Variants in PAX5 observed in about 807,000 individuals in gnomAD.
The protein encoded by PAX5 is paired box protein Pax-5.
A neutral mutation model predicts 43.7 loss-of-function variants in PAX5; 9 were observed. The observed-to-expected ratio is 0.21, with a 90% CI of 0.12 to 0.36. The LOEUF is 0.36. Among genes scored for constraint, PAX5 ranks in the 10% least tolerant of loss-of-function variants. The pLI, the probability that PAX5 is intolerant of heterozygous loss-of-function variation, is 1.00. For missense variants in PAX5, 383 were observed against 532.7 expected (o/e 0.72, Z 2.77); for synonymous variants, 228 against 214.3 (o/e 1.06, Z -0.56).
intron 8 of PAX5, among the ~76,000 whole-genome samples, chr9:36,866,795 A>G (rs1824930532): frequency 6.6e-6 from 1 of 152,010 alleles, no homozygotes; most frequent in Non-Finnish European, 1.5e-5. Flanking sequence ...TTGATTTCTA[A>G]GGTTGAGTCC....
chr9:36,900,308 G>T (rs574960939), intron 7 of PAX5, among the ~76,000 whole-genome samples: 1 of 152,154 alleles, frequency 6.6e-6, no homozygotes, highest in Non-Finnish European at 1.5e-5. Flanking sequence ...CTGCTGAGGC[G>T]GAGGTCCTAG....
Position 36,882,210 on chromosome 9 carries a change from G to C in PAX5, c.911-105C>G. ...TGCACATTTGTCACGTTTGGACGCT[G>C]AACGGCAATGTGCCCCCAGCTCCCC... is the stretch of plus-strand genomic sequence containing the variant. On this transcript the variant is annotated intron_variant, in intron 7 of 9. Coordinates refer to ENST00000358127, the MANE Select transcript of PAX5 (RefSeq NM_016734.3). This position sits in a 1 kb window ranked among gnomAD's most constrained non-coding sequence, Gnocchi z 4.4. 3.5e-6 allele frequency: 3 copies of C among 850,240 alleles called. No homozygotes were observed. In the South Asian group the frequency reaches 5.3e-5, roughly 15 times the overall value. The allele number at this position is 850,240 out of a possible 1,614,324, so 52.7% of individuals were successfully genotyped here.
intron 1 of PAX5, chr9:37,026,534 A>T (rs765743035): frequency 7.5e-7 from 1 of 1,328,478 alleles, no homozygotes; most frequent in Non-Finnish European, 9.9e-7. Context: ...CCTACTTACT[A>T]TGCATGGATG....
chr9:37,032,860 G>A (rs1379545230), intron 1 of PAX5, among the ~76,000 whole-genome samples: 1 of 152,240 alleles, frequency 6.6e-6, no homozygotes, highest in South Asian at 2.1e-4. Context: ...GCCTGTGGGA[G>A]GCACATGGGG....
chr9:36,931,621 G>A lies in PAX5; in HGVS notation c.781-8137C>T, dbSNP rs144070616. Among the ~76,000 whole-genome samples the A allele has an allele frequency of 4.8e-3, 733 of 152,266 alleles. 3 individuals are homozygous for A. Among genetic ancestry groups the A allele is most frequent in the Non-Finnish European group, 7.7e-3 (526 of 68,022 alleles). On this transcript the variant is annotated intron_variant, in intron 6 of 9. Coordinates refer to ENST00000358127, the MANE Select transcript of PAX5 (RefSeq NM_016734.3). ...TACAGCACTTTGGGAGGCTGAGGTG[G>A]GCGGATCACCTGAGATCAGGAGTTC...
intron 7 of PAX5, among the ~76,000 whole-genome samples, chr9:36,903,601 C>T (rs190730651): frequency 2.0e-5 from 3 of 152,326 alleles, no homozygotes; most frequent in African/African-American, 7.2e-5. Flanking sequence ...TGAAAGAATA[C>T]ACAGCATGTT....
At chr9:37,020,098 GT>G (rs5897671) in intron 2 of PAX5, among the ~76,000 whole-genome samples, 48 of 146,300 alleles carry the variant, frequency 3.3e-4, no homozygotes, top group African/African-American at 5.2e-4. Context: ...TGGTGTTTGG[GT>G]TTTTTTTTTT....
intron 5 of PAX5, among the ~76,000 whole-genome samples, chr9:36,976,339 C>T (rs1252725681): frequency 6.6e-6 from 1 of 152,114 alleles, no homozygotes; most frequent in East Asian, 1.9e-4. Context: ...GTTTGGGGTG[C>T]TTAGAGTGAT....
At position 37,034,071 on chromosome 9, in the gene PAX5, TTTC is replaced by T; in HGVS notation, c.-43_-41del. ...ACTTGATGGAATGGACAGGGAAAAG[TTTC>T]CACTTTTTTGTGCCTTTTTTTTTCT... is the stretch of plus-strand genomic sequence containing the variant. On this transcript the variant is annotated 5_prime_UTR_variant, in exon 1 of 10. Coordinates refer to ENST00000358127, the MANE Select transcript of PAX5 (RefSeq NM_016734.3). 1 of 1,230,154 alleles carries T rather than the reference TTTC, an allele frequency of 8.1e-7. No homozygotes were observed. The highest frequency in any genetic ancestry group is 1.4e-5 in the South Asian group (1 of 73,170). The allele number at this position is 1,230,154 out of a possible 1,614,324, so 76.2% of individuals were successfully genotyped here. A position where few individuals can be genotyped will look rare whatever the true frequency, so the allele number is the denominator to read the frequency against.
intron 7 of PAX5, among the ~76,000 whole-genome samples, chr9:36,889,971 C>G (rs1376615610): frequency 5.4e-5 from 8 of 147,154 alleles, no homozygotes; most frequent in African/African-American, 2.0e-4. Context: ...ATCCAATTAA[C>G]TTCAAATTTA....
intron 8 of PAX5, chr9:36,864,301 T>C (rs111756620): frequency 5.5e-4 from 85 of 154,544 alleles, no homozygotes; most frequent in African/African-American, 2.0e-3. Context: ...TCCTGGTCCA[T>C]GCAGCTTCTC....
At chr9:36,918,854 G>A (rs565816728) in intron 7 of PAX5, among the ~76,000 whole-genome samples, 1 of 152,322 alleles carries the variant, frequency 6.6e-6, no homozygotes, top group Non-Finnish European at 1.5e-5. Context: ...ATAACACAAA[G>A]GTGCAAGGTG....
intron 7 of PAX5, among the ~76,000 whole-genome samples, chr9:36,907,155 C>G (rs1828897351): frequency 6.6e-6 from 1 of 152,182 alleles, no homozygotes; most frequent in South Asian, 2.1e-4. Flanking sequence ...TGTGAACTCA[C>G]AGGTTTCTTT....
intron 6 of PAX5, among the ~76,000 whole-genome samples, chr9:36,949,951 C>T (rs1022518013): frequency 6.6e-6 from 1 of 152,244 alleles, no homozygotes; most frequent in African/African-American, 2.4e-5. Flanking sequence ...CCTCGACCTC[C>T]CTAAGCGACA....
chr9:36,932,086 G>A (rs993418560), intron 6 of PAX5, among the ~76,000 whole-genome samples: 3 of 151,950 alleles, frequency 2.0e-5, no homozygotes, highest in Non-Finnish European at 4.4e-5. Context: ...ACAAGCCTGG[G>A]CAACATAACA....
chr9:36,980,321 A>G (rs571587403), intron 5 of PAX5, among the ~76,000 whole-genome samples: 7 of 152,162 alleles, frequency 4.6e-5, no homozygotes, highest in Non-Finnish European at 1.0e-4. Flanking sequence ...AAACACACTA[A>G]TGGACTTCCC....
chr9:36,927,996 C>A (rs1830791652), intron 6 of PAX5, among the ~76,000 whole-genome samples: 1 of 152,234 alleles, frequency 6.6e-6, no homozygotes, highest in South Asian at 2.1e-4. Context: ...AGGCATGAGC[C>A]ACTGCACCCA....
chr9:36,999,789 A>G (rs980695646), intron 5 of PAX5, among the ~76,000 whole-genome samples: 5 of 152,094 alleles, frequency 3.3e-5, no homozygotes, highest in Non-Finnish European at 7.4e-5. Context: ...CTGTTTCCCC[A>G]GTGGCTGCTT....
At chr9:36,926,453 T>G (rs1587991986) in intron 6 of PAX5, among the ~76,000 whole-genome samples, 1 of 152,378 alleles carries the variant, frequency 6.6e-6, no homozygotes, top group East Asian at 1.9e-4. Context: ...TGGAAAATAC[T>G]GCTTCATTCC....
Sources: allele counts gnomAD v4.1 joint callset (sites outside exome capture counted in the v4.1 genomes callset), GRCh38; gene constraint gnomAD v4.1.1; non-coding constraint Gnocchi (gnomAD v3.1); transcripts MANE v1.5; gene names NCBI Gene and HGNC (gene_info 2026-07-23, HGNC 2026-07-21).